The following MED27 variants were observed in gnomAD, a reference collection of about 807,000 sequenced individuals.
MED27 encodes the protein mediator of RNA polymerase II transcription subunit 27.
In MED27, 30 loss-of-function variants were observed where a neutral mutation model predicts 38.2. The observed-to-expected ratio is 0.79, with a 90% CI of 0.59 to 1.07. The LOEUF (loss-of-function observed/expected upper bound fraction) is 1.07, where lower values mean the gene tolerates loss of function less well. Among genes scored for constraint, MED27 ranks in the 50% least tolerant of loss-of-function variants. The pLI is 0.00. For synonymous variants in MED27, 122 were observed against 153.5 expected, an observed-to-expected ratio of 0.79 and a Z score of 1.52; for missense variants, 289 against 397.5, an observed-to-expected ratio of 0.73 and a Z score of 2.32.
At chr9:132,018,498 G>A (rs1389865380) in intron 2 of MED27, among the ~76,000 whole-genome samples, 1 of 152,136 alleles carries the variant, frequency 6.6e-6, no homozygotes, top group Non-Finnish European at 1.5e-5. Flanking sequence ...GCATTGTTCT[G>A]AATGCTTCTA....
Position 131,926,562 on chromosome 9 carries a change from C to T in MED27, c.573+12819G>A, listed in dbSNP as rs1481686960. 2.0e-5 allele frequency among the ~76,000 whole-genome samples: 3 copies of T among 152,344 alleles called. No individual in the cohort carries two copies. The East Asian group carries it at 5.8e-4, about 29-fold the overall frequency. ...GAATTGGAATTTCTGTACTGCCTGT[C>T]AAGAATGTGCATTTCCCACAAACTA... is the stretch of plus-strand genomic sequence containing the variant. On this transcript the variant is annotated intron_variant, in intron 4 of 7. Transcript: ENST00000292035.
intron 2 of MED27, 86 bp downstream of exon 2, chr9:132,077,356 A>G: frequency 1.5e-6 from 2 of 1,334,266 alleles, no homozygotes; most frequent in Non-Finnish European, 1.0e-6. Context: ...AAAAGCAATA[A>G]AAACATACTC....
intron 2 of MED27, among the ~76,000 whole-genome samples, chr9:132,042,325 T>C (rs1170273921): frequency 6.6e-6 from 1 of 152,256 alleles, no homozygotes; most frequent in Non-Finnish European, 1.5e-5. Flanking sequence ...ATTTATACAT[T>C]GTATAAACTC....
At chr9:132,006,614 C>T (rs1476691039) in intron 3 of MED27, among the ~76,000 whole-genome samples, 5 of 151,092 alleles carry the variant, frequency 3.3e-5, no homozygotes. Flanking sequence ...AATCGAACTG[C>T]AGAAACCTGG....
At chr9:132,015,347 C>T (rs1589267248) in intron 2 of MED27, among the ~76,000 whole-genome samples, 3 of 152,210 alleles carry the variant, frequency 2.0e-5, no homozygotes, top group Non-Finnish European at 4.4e-5. Context: ...GCATCCCTTA[C>T]TTGATCCCTG....
chr9:132,069,207 C>G (rs1333157789), intron 2 of MED27, among the ~76,000 whole-genome samples: 2 of 152,142 alleles, frequency 1.3e-5, no homozygotes, highest in African/African-American at 4.8e-5. Flanking sequence ...CATGAGTCCC[C>G]ATGGCCAGTG....
At chr9:131,936,440 T>C (rs1830686616) in intron 4 of MED27, among the ~76,000 whole-genome samples, 1 of 152,346 alleles carries the variant, frequency 6.6e-6, no homozygotes, top group African/African-American at 2.4e-5. Flanking sequence ...CACTGTGCCA[T>C]ACAGACGGCT....
At chr9:131,905,436 C>T (rs959662677) in intron 4 of MED27, among the ~76,000 whole-genome samples, 1 of 152,204 alleles carries the variant, frequency 6.6e-6, no homozygotes, top group Non-Finnish European at 1.5e-5. Flanking sequence ...AAGGAAGCTG[C>T]TGTTTTCTGT....
intron 6 of MED27, among the ~76,000 whole-genome samples, chr9:131,881,246 GAAA>G (rs1839032644): frequency 6.6e-6 from 1 of 152,226 alleles, no homozygotes; most frequent in Non-Finnish European, 1.5e-5. Flanking sequence ...AGTCAGCACG[GAAA>G]ACGTTAGCAT....
At chr9:132,012,028 G>C (rs1832497199) in intron 3 of MED27, among the ~76,000 whole-genome samples, 1 of 150,586 alleles carries the variant, frequency 6.6e-6, no homozygotes, top group South Asian at 2.1e-4. Context: ...CCTCACAATA[G>C]CATGTCACCT....
chr9:131,939,729 G>A (rs527845681), intron 3 of MED27, among the ~76,000 whole-genome samples: 1 of 152,204 alleles, frequency 6.6e-6, no homozygotes, highest in African/African-American at 2.4e-5. Context: ...GAATTTAGCT[G>A]TGTCACCTGC....
intron 4 of MED27, among the ~76,000 whole-genome samples, chr9:131,928,783 G>C (rs954347832): frequency 2.0e-5 from 3 of 152,234 alleles, no homozygotes; most frequent in Admixed American, 1.3e-4. Context: ...AACTTGAAAG[G>C]CAGTCTAGAC....
intron 6 of MED27, among the ~76,000 whole-genome samples, chr9:131,874,551 G>C (rs1838894272): frequency 6.6e-6 from 1 of 152,296 alleles, no homozygotes; most frequent in South Asian, 2.1e-4. Flanking sequence ...TGAGAGGGAA[G>C]GGATGGGGTG....
chr9:131,906,158 C>G (rs935682992), intron 4 of MED27, among the ~76,000 whole-genome samples: 1 of 152,152 alleles, frequency 6.6e-6, no homozygotes, highest in Admixed American at 6.5e-5. Flanking sequence ...TTATTAAGTA[C>G]CCACCACGTG....
chr9:132,056,637 G>T lies in MED27; in HGVS notation c.348+20805C>A, dbSNP rs1833583881. The stretch of plus-strand genomic sequence containing the variant: ...GTCCCAAGCATTTTGAAAAAGGGAT[G>T]TTCAACCTGTATGAGCTCTTTCAGA... On this transcript the variant is annotated intron_variant, in intron 2 of 7. Transcript: ENST00000292035. Among the ~76,000 whole-genome samples the T allele has an allele frequency of 2.0e-5, 3 of 152,208 alleles. No individual in the cohort carries two copies. In the South Asian group the frequency reaches 6.2e-4, roughly 32 times the overall value.
intron 2 of MED27, among the ~76,000 whole-genome samples, chr9:132,054,229 T>C (rs986379281): frequency 2.6e-5 from 4 of 152,090 alleles, no homozygotes; most frequent in Admixed American, 2.6e-4. Flanking sequence ...CCTGGCCATA[T>C]TGACGTCTCC....
chr9:132,046,407 T>C (rs925876109), intron 2 of MED27, among the ~76,000 whole-genome samples: 2 of 152,088 alleles, frequency 1.3e-5, no homozygotes, highest in South Asian at 4.1e-4. Flanking sequence ...TGGAAAGCAA[T>C]TTAGTAATAG....
chr9:131,939,922 T>C (rs1174186581), intron 3 of MED27, among the ~76,000 whole-genome samples: 1 of 148,414 alleles, frequency 6.7e-6, no homozygotes, highest in Non-Finnish European at 1.5e-5. Context: ...TTTTTTTTTC[T>C]TTGAGACAGA....
At chr9:131,905,144 C>T (rs900638445) in intron 4 of MED27, among the ~76,000 whole-genome samples, 5 of 152,116 alleles carry the variant, frequency 3.3e-5, no homozygotes, top group African/African-American at 4.8e-5. Context: ...TAAAATATAG[C>T]CCTTCCAGGG....
Sources: gnomAD v4.1 joint callset for allele counts (sites outside exome capture counted in the v4.1 genomes callset) on GRCh38, gnomAD v4.1.1 for gene constraint, MANE v1.5 for transcripts, NCBI Gene and HGNC (gene_info 2026-07-23, HGNC 2026-07-21) for gene names.